PDE10A: variants seen among roughly 807,000 people sequenced by gnomAD.
PDE10A encodes the protein phosphodiesterase 10A, also known as cAMP and cAMP-inhibited cGMP 3',5'-cyclic phosphodiesterase 10A.
A neutral mutation model predicts 97.7 loss-of-function variants in PDE10A; 39 were observed. That is an observed-to-expected ratio of 0.40 (90% confidence interval 0.31 to 0.52). The LOEUF (loss-of-function observed/expected upper bound fraction) is 0.52, where lower values mean the gene tolerates loss of function less well. Ranked by LOEUF, PDE10A falls within the 20% of genes least tolerant of loss-of-function variation. PDE10A has a pLI of 0.56. For missense variants in PDE10A, 731 were observed against 1,047.8 expected (o/e 0.70, Z 4.17); for synonymous variants, 371 against 376.8 (o/e 0.98, Z 0.18).
intron 2 of PDE10A, among the ~76,000 whole-genome samples, chr6:165,505,981 ACTTGT>A (rs1781168893): frequency 6.6e-6 from 1 of 152,204 alleles, no homozygotes; most frequent in South Asian, 2.1e-4. Flanking sequence ...AAATAATATT[ACTTGT>A]CTTATTTTTC....
intron 1 of PDE10A, among the ~76,000 whole-genome samples, chr6:165,636,351 C>T (rs1454100741): frequency 6.6e-6 from 1 of 152,090 alleles, no homozygotes; most frequent in Non-Finnish European, 1.5e-5. Flanking sequence ...AATAATTTTC[C>T]TAGGAGCAAA....
intron 10 of PDE10A, among the ~76,000 whole-genome samples, chr6:165,419,551 C>A (rs1788552100): frequency 6.6e-6 from 1 of 152,114 alleles, no homozygotes; most frequent in Non-Finnish European, 1.5e-5. Flanking sequence ...ATGGCCCATG[C>A]TTTTATAACA....
At chr6:165,829,117 C>G (rs1182460259) in intron 1 of PDE10A, among the ~76,000 whole-genome samples, 1 of 152,202 alleles carries the variant, frequency 6.6e-6, no homozygotes, top group Non-Finnish European at 1.5e-5. Context: ...GCCCCAGCTT[C>G]ATTCCCAGGC....
intron 2 of PDE10A, among the ~76,000 whole-genome samples, chr6:165,518,278 C>G (rs1781932692): frequency 1.3e-5 from 2 of 152,168 alleles, no homozygotes; most frequent in African/African-American, 4.8e-5. Flanking sequence ...TACAGTAGAA[C>G]CCTTCATCTG....
At chr6:165,509,615 A>G (rs1443599669) in intron 2 of PDE10A, among the ~76,000 whole-genome samples, 1 of 151,518 alleles carries the variant, frequency 6.6e-6, no homozygotes, top group Non-Finnish European at 1.5e-5. Context: ...GTGAAAAATG[A>G]CATTGGTACT....
At chr6:165,359,776 T>A (rs1431773300) in intron 18 of PDE10A, among the ~76,000 whole-genome samples, 1 of 152,124 alleles carries the variant, frequency 6.6e-6, no homozygotes, top group Non-Finnish European at 1.5e-5. Flanking sequence ...TTTGGTGGGC[T>A]ATATGTAACA....
chr6:165,839,380 C>A (rs138853295), intron 1 of PDE10A, among the ~76,000 whole-genome samples: 1 of 152,220 alleles, frequency 6.6e-6, no homozygotes, highest in African/African-American at 2.4e-5. Flanking sequence ...TTCCCTTCAA[C>A]AAGTGGTCAA....
At chr6:165,591,472 G>T (rs773148861) in intron 1 of PDE10A, among the ~76,000 whole-genome samples, 3 of 152,048 alleles carry the variant, frequency 2.0e-5, no homozygotes, top group Non-Finnish European at 4.4e-5. Context: ...TGTCAGTCCC[G>T]GCTGCCATCT....
At chr6:165,952,027 G>A (rs1783979044) in intron 1 of PDE10A, among the ~76,000 whole-genome samples, 1 of 152,132 alleles carries the variant, frequency 6.6e-6, no homozygotes, top group Non-Finnish European at 1.5e-5. Context: ...TCTCATTCTC[G>A]CAATAGCCTC....
chr6:165,904,950 T>C (rs537628149), intron 1 of PDE10A, among the ~76,000 whole-genome samples: 9 of 152,370 alleles, frequency 5.9e-5, no homozygotes, highest in Middle Eastern at 3.4e-3. Flanking sequence ...TTTGTTCTTT[T>C]AGCTCTTGTG....
chr6:165,415,589 G>T (rs1281833903), intron 12 of PDE10A, among the ~76,000 whole-genome samples: 1 of 152,086 alleles, frequency 6.6e-6, no homozygotes, highest in Non-Finnish European at 1.5e-5. Context: ...TCCAATAAAA[G>T]ATGTAACTTA....
At chr6:165,680,140 A>T (rs1258754152) in intron 1 of PDE10A, among the ~76,000 whole-genome samples, 1 of 152,166 alleles carries the variant, frequency 6.6e-6, no homozygotes, top group Non-Finnish European at 1.5e-5. Flanking sequence ...ACAGCCATGG[A>T]TCGTGAGCTC....
chr6:165,946,498 T>TAAAAA (rs57063900), intron 1 of PDE10A, among the ~76,000 whole-genome samples: 4 of 128,524 alleles, frequency 3.1e-5, no homozygotes, highest in East Asian at 2.4e-4. Context: ...TATCTCAAAA[T>TAAAAA]AAAAAAAAAA....
rs1343882620 is a variant in PDE10A, at chr6:165,783,017, A to C, written c.-615+204512T>G. Among the ~76,000 whole-genome samples the C allele has an allele frequency of 2.0e-5, 3 of 149,070 alleles. No homozygotes were observed. The South Asian group carries it at 6.5e-4, about 33-fold the overall frequency. On this transcript the variant is annotated intron_variant, in intron 1 of 19. Coordinates refer to the PDE10A transcript ENST00000366882. ...TGGTCCTCTCTGATGCTCTACATACACTTCCTCGCTTATAAATTCATGAGT... is the reference window on the plus strand; with the variant it reads ...TGGTCCTCTCTGATGCTCTACATACCCTTCCTCGCTTATAAATTCATGAGT...
intron 1 of PDE10A, among the ~76,000 whole-genome samples, chr6:165,590,848 G>A (rs1267290107): frequency 4.6e-5 from 7 of 152,024 alleles, no homozygotes; most frequent in Non-Finnish European, 1.0e-4. Context: ...CCGAGATCAC[G>A]CCACTGCAGT....
rs150181805 is a variant in PDE10A, at chr6:165,887,944, C to G, written c.-615+99585G>C. Among the ~76,000 whole-genome samples, 637 of 152,332 alleles carry G rather than the reference C, an allele frequency of 4.2e-3. 2 individuals are homozygous for G. The highest frequency in any genetic ancestry group is 0.014 in the African/African-American group (592 of 41,568). The stretch of plus-strand genomic sequence containing the variant: ...TCACTGGGCCCTACCTGATCTGCCT[C>G]CTCTTTGCATCTCTTACCTCACCCT... On this transcript the variant is annotated intron_variant, in intron 1 of 19. Transcript: ENST00000366882.
intron 20 of PDE10A, among the ~76,000 whole-genome samples, chr6:165,336,546 G>A (rs1034450079): frequency 6.6e-6 from 1 of 151,764 alleles, no homozygotes; most frequent in African/African-American, 2.4e-5. Context: ...TCAGGAGATC[G>A]AGACCATCCT....
chr6:165,965,624 A>G (rs1419254925), intron 1 of PDE10A, among the ~76,000 whole-genome samples: 1 of 152,202 alleles, frequency 6.6e-6, no homozygotes, highest in Non-Finnish European at 1.5e-5. Flanking sequence ...ACTTCTGGCT[A>G]TTATGCTGCT....
intron 2 of PDE10A, among the ~76,000 whole-genome samples, chr6:165,528,445 G>T (rs543588304): frequency 2.0e-5 from 3 of 152,300 alleles, no homozygotes; most frequent in African/African-American, 7.2e-5. Flanking sequence ...GCCAGCAGCA[G>T]ACACCAACAC....
Sources: gnomAD v4.1 joint callset for allele counts (sites outside exome capture counted in the v4.1 genomes callset) on GRCh38, gnomAD v4.1.1 for gene constraint, MANE v1.5 for transcripts, NCBI Gene and HGNC (gene_info 2026-07-23, HGNC 2026-07-21) for gene names.